The following SMARCA2 variants were observed in gnomAD, a reference collection of about 807,000 sequenced individuals.
The protein encoded by SMARCA2 is SWI/SNF related BAF chromatin remodeling complex subunit ATPase 2, also known as SWI/SNF-related matrix-associated actin-dependent regulator of chromatin subfamily A member 2.
A neutral mutation model predicts 199.8 loss-of-function variants in SMARCA2; 61 were observed. The observed-to-expected ratio is 0.31, with a 90% CI of 0.25 to 0.38. The LOEUF (loss-of-function observed/expected upper bound fraction) is 0.38. SMARCA2 is among the 10% of genes least tolerant of loss of function. The pLI is 1.00. For synonymous variants in SMARCA2, 935 were observed against 732.0 expected, an observed-to-expected ratio of 1.28 and a Z score of -4.48; for missense variants, 1,344 against 2,012.2, an observed-to-expected ratio of 0.67 and a Z score of 6.35.
rs1818356076 is a variant in SMARCA2 at position 2,016,430 on chromosome 9, T to G, written c.-37+1026T>G. ...CCTGCCCTCCCTCTCCCCGGGTCCG[T>G]GTTCTTTTGCTTCGCGTCTTCCCCT... On this transcript the variant is annotated intron_variant, in intron 1 of 33. Transcript: ENST00000349721. The surrounding 1 kb of genome is among the most constrained non-coding windows in gnomAD (Gnocchi z 5.6). 6.6e-6 allele frequency: 1 copy of G among 152,360 alleles called. No homozygotes were observed. Among genetic ancestry groups the G allele is most frequent in the Admixed American group, 6.5e-5 (1 of 15,296 alleles). 9.4% of individuals were successfully genotyped at this position (152,360 alleles called of 1,614,324 possible).
chr9:2,175,231 C>T (rs545418754), intron 29 of SMARCA2, among the ~76,000 whole-genome samples: 2 of 152,078 alleles, frequency 1.3e-5, no homozygotes, highest in Non-Finnish European at 2.9e-5. Context: ...AGTAGCCATC[C>T]TAAGACAGTA....
intron 29 of SMARCA2, among the ~76,000 whole-genome samples, chr9:2,175,464 A>C (rs1293615732): frequency 1.3e-5 from 2 of 152,152 alleles, no homozygotes; most frequent in African/African-American, 4.8e-5. Context: ...CAACATATTA[A>C]AACTTTTGTG....
chr9:2,167,774 T>C lies in SMARCA2; in HGVS notation c.4200-2645T>C, dbSNP rs531451709. ...TAGAAATATTTCCTTCATTGTTTGC[T>C]TATTTCCAGGACTGTACTCTTGAAT... On this transcript the variant is annotated intron_variant, in intron 28 of 33. Transcript: ENST00000349721. 7.9e-4 allele frequency among the ~76,000 whole-genome samples: 120 copies of C among 152,352 alleles called. No individual in the cohort carries two copies. In the South Asian group the frequency reaches 8.5e-3, roughly 11 times the overall value.
intron 7 of SMARCA2, 35 bp from the exon 8 acceptor site, chr9:2,058,256 T>C (rs762348239): frequency 6.3e-7 from 1 of 1,588,494 alleles, no homozygotes; most frequent in Non-Finnish European, 8.6e-7. Context: ...CATTGGATTT[T>C]AAGTATCCTT....
At position 2,056,205 on chromosome 9, in the gene SMARCA2, G is replaced by T. The variant is rs1820347044; in HGVS notation, c.1174-467G>T. 1.3e-5 allele frequency among the ~76,000 whole-genome samples: 2 copies of T among 152,140 alleles called. No homozygotes were observed. Reference sequence around the variant, plus strand: ...CCTTTGTATGAGACTATGAATTAACGTTGTTTGAGTACCTGCTGCTACCAC... The same window carrying T: ...CCTTTGTATGAGACTATGAATTAACTTTGTTTGAGTACCTGCTGCTACCAC... On this transcript the variant is annotated intron_variant, in intron 6 of 33. Transcript: ENST00000349721. The surrounding 1 kb of genome is among the most constrained non-coding windows in gnomAD (Gnocchi z 4.0).
intron 8 of SMARCA2, 40 bp downstream of exon 8, chr9:2,058,504 C>T (rs768871493): frequency 4.5e-6 from 7 of 1,546,064 alleles, no homozygotes; most frequent in Non-Finnish European, 5.3e-6. Context: ...ACTACTCAAC[C>T]CACGTCCGTC....
rs751453496 is a variant in SMARCA2, at chr9:2,186,143, G to T, written c.4509G>T (p.Arg1503=). ...TACAGTCAGTGTTTAAGAGTGCCCGGCAGAAAATTGCCAAAGAGGAAGAGA... is the reference window on the plus strand; with the variant it reads ...TACAGTCAGTGTTTAAGAGTGCCCGTCAGAAAATTGCCAAAGAGGAAGAGA... ...IVLQSVFKSA[R]QKIAKEEESE... is the part of the protein sequence containing the mutation. Residue 1503 remains arginine, a synonymous_variant, in exon 32 of 34, where the codon CGG becomes CGT. Coordinates refer to ENST00000349721, the MANE Select transcript of SMARCA2 (RefSeq NM_003070.5). The T allele has an allele frequency of 6.2e-7, 1 of 1,613,900 alleles. No homozygotes were observed. The highest frequency in any genetic ancestry group is 1.3e-5 in the African/African-American group (1 of 75,014).
chr9:2,064,493 T>C (rs1362729382), intron 9 of SMARCA2, among the ~76,000 whole-genome samples: 1 of 152,228 alleles, frequency 6.6e-6, no homozygotes, highest in Non-Finnish European at 1.5e-5. Context: ...GAAAGTGGAA[T>C]CATAATTATA....
chr9:2,120,495 C>G (rs1159739855), intron 26 of SMARCA2, among the ~76,000 whole-genome samples: 1 of 152,186 alleles, frequency 6.6e-6, no homozygotes, highest in African/African-American at 2.4e-5. Context: ...CTAAATCCAA[C>G]TTTTTAAGTT....
At chr9:2,188,225 A>C (rs1827627190) in intron 32 of SMARCA2, among the ~76,000 whole-genome samples, 1 of 152,158 alleles carries the variant, frequency 6.6e-6, no homozygotes, top group Non-Finnish European at 1.5e-5. Flanking sequence ...AATGAATGTG[A>C]ATGTACTGTA....
intron 2 of SMARCA2, among the ~76,000 whole-genome samples, chr9:2,030,636 CAATTCA>C (rs1425474860): frequency 1.4e-5 from 2 of 147,048 alleles, no homozygotes; most frequent in African/African-American, 5.0e-5. Context: ...TTCAGTCTAA[CAATTCA>C]AATGATAATC....
chr9:2,178,963 G>A (rs1826817797), intron 29 of SMARCA2, among the ~76,000 whole-genome samples: 1 of 152,182 alleles, frequency 6.6e-6, no homozygotes, highest in African/African-American at 2.4e-5. Context: ...GGAAGAATTA[G>A]GTTCTGAGCA....
rs777364885 is a variant in SMARCA2, at chr9:2,170,405, C to T, written c.4200-14C>T. 2 of 1,614,066 alleles carry T rather than the reference C, an allele frequency of 1.2e-6. No homozygotes were observed. Among genetic ancestry groups the T allele is most frequent in the Non-Finnish European group, 1.7e-6 (2 of 1,179,974 alleles). On this transcript the variant is annotated splice_polypyrimidine_tract_variant and intron_variant, in intron 28 of 33. Coordinates refer to ENST00000349721, the MANE Select transcript of SMARCA2 (RefSeq NM_003070.5). The surrounding 1 kb of genome is among the most constrained non-coding windows in gnomAD (Gnocchi z 4.7). ...AGGTCTTCTGACTCTAGTGTTCTTT[C>T]TACTCTACCGCAGGTGTAACGTGGA... is the stretch of plus-strand genomic sequence containing the variant.
At chr9:2,182,819 G>A (rs1827150126) in intron 31 of SMARCA2, among the ~76,000 whole-genome samples, 1 of 140,846 alleles carries the variant, frequency 7.1e-6, no homozygotes, top group Non-Finnish European at 1.5e-5. Context: ...TTTTTTTCGA[G>A]ATGGAGTCTC....
chr9:2,052,488 A>G (rs1563734229), intron 5 of SMARCA2, among the ~76,000 whole-genome samples: 1 of 152,220 alleles, frequency 6.6e-6, no homozygotes, highest in Non-Finnish European at 1.5e-5. Flanking sequence ...ACAAACAAAG[A>G]AAAAACAATA....
At chr9:2,100,669 C>A (rs1432633512) in intron 21 of SMARCA2, among the ~76,000 whole-genome samples, 1 of 151,502 alleles carries the variant, frequency 6.6e-6, no homozygotes, top group Non-Finnish European at 1.5e-5. Flanking sequence ...CGCCACTGCA[C>A]TCCAGCCTGG....
chr9:2,073,286 C>G lies in SMARCA2; in HGVS notation c.1821C>G (p.Phe607Leu), dbSNP rs201735133. The G allele has an allele frequency of 1.2e-6, 2 of 1,614,112 alleles. No individual in the cohort carries two copies. The highest frequency in any genetic ancestry group is 1.1e-5 in the South Asian group (1 of 91,084). ...ACACAGAAACCGGCAAGGTTCTGTTCGGACCAGAAGCACCCAAAGCAAGTC... is the reference window on the plus strand; with the variant it reads ...ACACAGAAACCGGCAAGGTTCTGTTGGGACCAGAAGCACCCAAAGCAAGTC... The part of the protein sequence containing the change: ...VTHTETGKVL[F>L]GPEAPKASQL... The change falls in exon 11 of 34, where the codon TTC becomes TTG. Residue 607 changes from phenylalanine to leucine, a missense_variant. Transcript: ENST00000349721.
chr9:2,101,237 G>A (rs1586705784), intron 21 of SMARCA2, among the ~76,000 whole-genome samples: 1 of 151,958 alleles, frequency 6.6e-6, no homozygotes, highest in East Asian at 1.9e-4. Context: ...TATTCCTTGA[G>A]TTCAGATCCA....
intron 31 of SMARCA2, among the ~76,000 whole-genome samples, chr9:2,182,672 T>C (rs1827134491): frequency 6.6e-6 from 1 of 152,072 alleles, no homozygotes; most frequent in African/African-American, 2.4e-5. Context: ...TTTTTGTATT[T>C]GTAGTACAGA....
Sources: allele counts gnomAD v4.1 joint callset (sites outside exome capture counted in the v4.1 genomes callset), GRCh38; gene constraint gnomAD v4.1.1; non-coding constraint Gnocchi (gnomAD v3.1); transcripts MANE v1.5; gene names NCBI Gene and HGNC (gene_info 2026-07-23, HGNC 2026-07-21).